The following FRMD6 variants were observed in gnomAD, a reference collection of about 807,000 sequenced individuals.
FRMD6 encodes FERM domain containing 6.
A neutral mutation model predicts 73.2 loss-of-function variants in FRMD6; 37 were observed. That is an observed-to-expected ratio of 0.51 (90% CI 0.39 to 0.66). FRMD6 has a LOEUF of 0.66. FRMD6 is among the 30% of genes least tolerant of loss of function. The probability of loss-of-function intolerance (pLI) is 0.00; values close to 1 mark genes in which losing one functional copy is unlikely to be tolerated. For synonymous variants in FRMD6, 273 were observed against 282.2 expected, an observed-to-expected ratio of 0.97 and a Z score of 0.33; for missense variants, 714 against 780.5, an observed-to-expected ratio of 0.91 and a Z score of 1.02.
At chr14:51,700,535 G>T (rs182085885) in intron 3 of FRMD6, among the ~76,000 whole-genome samples, 1 of 152,124 alleles carries the variant, frequency 6.6e-6, no homozygotes, top group Admixed American at 6.6e-5. Flanking sequence ...TGTGGAACAC[G>T]GACAAGAAAT....
At chr14:51,410,176 T>C in the FRMD6 span, among the ~76,000 whole-genome samples, 1 of 152,224 alleles carries the variant, frequency 6.6e-6, no homozygotes, top group Admixed American at 6.5e-5. Flanking sequence ...CTTCCCAAAA[T>C]TGGCATTAAA....
chr14:51,456,945 G>C, the FRMD6 span, among the ~76,000 whole-genome samples: 1 of 152,104 alleles, frequency 6.6e-6, no homozygotes, highest in East Asian at 1.9e-4. Context: ...TAAAAAAGTT[G>C]ATCTCATACA....
chr14:51,486,529 C>T (rs1882763594), upstream of FRMD6, among the ~76,000 whole-genome samples: 1 of 152,140 alleles, frequency 6.6e-6, no homozygotes, highest in African/African-American at 2.4e-5. Context: ...TACTGTATAC[C>T]TGTTATCATA....
intron 1 of FRMD6, among the ~76,000 whole-genome samples, chr14:51,656,206 C>T (rs547600024): frequency 2.0e-5 from 3 of 152,126 alleles, no homozygotes; most frequent in Non-Finnish European, 4.4e-5. Context: ...AGCAGTCATG[C>T]AGTATATATA....
intron 2 of FRMD6, among the ~76,000 whole-genome samples, chr14:51,575,000 G>A (rs1382527234): frequency 2.0e-5 from 3 of 151,994 alleles, no homozygotes; most frequent in African/African-American, 7.3e-5. Context: ...TTTTTAAAAG[G>A]ATAATAAAGA....
chr14:51,410,741 G>A, the FRMD6 span, among the ~76,000 whole-genome samples: 1 of 152,096 alleles, frequency 6.6e-6, no homozygotes, highest in Admixed American at 6.6e-5. Flanking sequence ...TTTTTCTCAT[G>A]CATAAATACT....
At chr14:51,465,366 A>G in the FRMD6 span, among the ~76,000 whole-genome samples, 2 of 152,334 alleles carry the variant, frequency 1.3e-5, no homozygotes, top group African/African-American at 2.4e-5. Flanking sequence ...AGCAACCACC[A>G]TAACAATCAA....
At chr14:51,700,540 A>G (rs1896243047) in intron 3 of FRMD6, among the ~76,000 whole-genome samples, 2 of 152,168 alleles carry the variant, frequency 1.3e-5, no homozygotes, top group South Asian at 4.1e-4. Context: ...AACACGGACA[A>G]GAAATAGTCT....
chr14:51,422,104 A>G, the FRMD6 span, among the ~76,000 whole-genome samples: 1 of 152,272 alleles, frequency 6.6e-6, no homozygotes, highest in East Asian at 1.9e-4. Context: ...CTTTATTGAG[A>G]TGTAATTTAT....
Position 51,655,370 on chromosome 14 carries a change from A to C in FRMD6, c.-147+3374A>C, listed in dbSNP as rs537824594. 3.5e-4 allele frequency among the ~76,000 whole-genome samples: 53 copies of C among 152,250 alleles called. 1 individual carries two copies. Among genetic ancestry groups the C allele is most frequent in the African/African-American group, 1.2e-3 (51 of 41,558 alleles). ...GTGTATAAAACAATGGAGAGTTAGG[A>C]GAGGGGAATGGGAAAGATTTAGTGA... On this transcript the variant is annotated intron_variant, in intron 1 of 13. Transcript: ENST00000344768.
At chr14:51,555,728 G>A (rs1397774952) in intron 1 of FRMD6, among the ~76,000 whole-genome samples, 1 of 151,854 alleles carries the variant, frequency 6.6e-6, no homozygotes, top group African/African-American at 2.4e-5. Context: ...CTTGAACTTG[G>A]GAGGCAGAGA....
At chr14:51,587,176 G>C (rs55759452) in intron 2 of FRMD6, among the ~76,000 whole-genome samples, 27,120 of 152,154 alleles carry the variant, frequency 0.18, 2,746 homozygotes, top group East Asian at 0.37. Flanking sequence ...ATATATTTTT[G>C]ATGACTTTGC....
At chr14:51,494,942 ATGG>A (rs1402573530) in intron 1 of FRMD6, among the ~76,000 whole-genome samples, 4 of 152,300 alleles carry the variant, frequency 2.6e-5, no homozygotes, top group South Asian at 4.2e-4. Context: ...TCTTTACAAT[ATGG>A]ATAAGCTGAG....
intron 3 of FRMD6, among the ~76,000 whole-genome samples, chr14:51,699,821 AAC>A (rs988945382): frequency 1.3e-5 from 2 of 152,032 alleles, no homozygotes; most frequent in African/African-American, 2.4e-5. Flanking sequence ...ACTCAAGCCA[AAC>A]ACAAATCAGT....
At chr14:51,459,699 T>C in the FRMD6 span, among the ~76,000 whole-genome samples, 68,106 of 150,520 alleles carry the variant, frequency 0.45, 15,638 homozygotes, top group East Asian at 0.59. Flanking sequence ...TGGTGGCGGG[T>C]GCCTGTAGTC....
At position 51,717,025 on chromosome 14, in the gene FRMD6, C is replaced by G. The variant is rs552866207; in HGVS notation, c.1024+1526C>G. Among the ~76,000 whole-genome samples the G allele has an allele frequency of 9.2e-5, 14 of 152,286 alleles. No individual in the cohort carries two copies. The South Asian group carries it at 2.9e-3, about 32-fold the overall frequency. On this transcript the variant is annotated intron_variant, in intron 10 of 13. Coordinates refer to ENST00000344768, the MANE Select transcript of FRMD6 (RefSeq NM_001267046.2). ...TTTTGTTCAGATGACCTTAAGAGAT[C>G]CCTTCAGAGCCTTAAAGAATTAATG...
At chr14:51,417,112 C>A in the FRMD6 span, among the ~76,000 whole-genome samples, 2 of 152,242 alleles carry the variant, frequency 1.3e-5, no homozygotes, top group East Asian at 3.9e-4. Flanking sequence ...ACCCAATTTG[C>A]CAGTCTGTGT....
chr14:51,467,719 C>T, the FRMD6 span, among the ~76,000 whole-genome samples: 5 of 152,062 alleles, frequency 3.3e-5, no homozygotes, highest in Admixed American at 6.5e-5. Flanking sequence ...GTGCTCCCCA[C>T]ATCCCAGACG....
In FRMD6 at chr14:51,500,130, A is replaced by T. The variant is rs113425167; in HGVS notation, c.-210+10710A>T. ...AATTAAGTCTTTTAAAATCTGCCCA[A>T]ATGTTGCCGGAGCTGCATTTTAAAG... On this transcript the variant is annotated intron_variant, in intron 1 of 14. Coordinates refer to the FRMD6 transcript ENST00000356218. Among the ~76,000 whole-genome samples the T allele has an allele frequency of 2.6e-3, 398 of 152,294 alleles. 1 individual carries two copies. The highest frequency in any genetic ancestry group is 9.2e-3 in the African/African-American group (381 of 41,568).
Sources: gnomAD v4.1 joint callset for allele counts (sites outside exome capture counted in the v4.1 genomes callset) on GRCh38, gnomAD v4.1.1 for gene constraint, MANE v1.5 for transcripts, NCBI Gene and HGNC (gene_info 2026-07-23, HGNC 2026-07-21) for gene names.